The following ELMO1 variants were observed in gnomAD, a reference collection of about 807,000 sequenced individuals.
The protein encoded by ELMO1 is engulfment and cell motility 1, also known as engulfment and cell motility protein 1.
In ELMO1, 26 loss-of-function variants were observed where a neutral mutation model predicts 98.9. The observed-to-expected ratio is 0.26, with a 90% CI of 0.19 to 0.36. The LOEUF is 0.36. Ranked by LOEUF, ELMO1 falls within the 10% of genes least tolerant of loss-of-function variation. The pLI, the probability that ELMO1 is intolerant of heterozygous loss-of-function variation, is 1.00. For missense variants in ELMO1, 627 were observed against 935.2 expected (o/e 0.67, Z 4.30); for synonymous variants, 346 against 346.0 (o/e 1.00, Z 0.00).
intron 15 of ELMO1, among the ~76,000 whole-genome samples, chr7:37,017,421 G>T (rs1157807320): frequency 6.6e-6 from 1 of 152,162 alleles, no homozygotes; most frequent in Non-Finnish European, 1.5e-5. Context: ...TGACAACAAT[G>T]TGCCCAGCTA....
intron 13 of ELMO1, among the ~76,000 whole-genome samples, chr7:37,168,633 C>T (rs540539450): frequency 4.6e-5 from 7 of 152,206 alleles, no homozygotes; most frequent in South Asian, 4.1e-4. Context: ...GTATCAGCAG[C>T]GGTGTTTGCA....
intron 16 of ELMO1, among the ~76,000 whole-genome samples, chr7:36,940,892 T>C (rs1472695359): frequency 1.3e-5 from 2 of 152,224 alleles, no homozygotes; most frequent in Non-Finnish European, 2.9e-5. Context: ...AAGGAAGATT[T>C]ATATAGTTAG....
chr7:37,325,132 T>C (rs572246530), intron 2 of ELMO1, among the ~76,000 whole-genome samples: 1 of 152,222 alleles, frequency 6.6e-6, no homozygotes, highest in African/African-American at 2.4e-5. Context: ...GTTAAAGAAA[T>C]TGAGTGAATA....
intron 16 of ELMO1, among the ~76,000 whole-genome samples, chr7:36,955,277 T>A (rs978075881): frequency 6.6e-6 from 1 of 152,186 alleles, no homozygotes; most frequent in Non-Finnish European, 1.5e-5. Flanking sequence ...CACTACATTT[T>A]CTCTACAGCT....
At chr7:37,246,870 A>C (rs972477576) in intron 6 of ELMO1, among the ~76,000 whole-genome samples, 1 of 140,456 alleles carries the variant, frequency 7.1e-6, no homozygotes, top group African/African-American at 3.2e-5. Flanking sequence ...ATATATCTCT[A>C]TCTATCTATC....
chr7:37,105,260 T>C (rs1284927591), intron 14 of ELMO1, among the ~76,000 whole-genome samples: 2 of 152,194 alleles, frequency 1.3e-5, no homozygotes, highest in African/African-American at 4.8e-5. Context: ...GACTTCTGTT[T>C]GTGCCTACAC....
At chr7:36,884,608 T>C (rs562532422) in intron 18 of ELMO1, among the ~76,000 whole-genome samples, 1 of 152,156 alleles carries the variant, frequency 6.6e-6, no homozygotes, top group Non-Finnish European at 1.5e-5. Context: ...CCAGTCCTAA[T>C]GTGGTTAGAA....
intron 16 of ELMO1, among the ~76,000 whole-genome samples, chr7:36,995,415 G>A (rs1395687025): frequency 6.6e-6 from 1 of 152,006 alleles, no homozygotes; most frequent in African/African-American, 2.4e-5. Flanking sequence ...GGCTGAGGCA[G>A]GAGAATCGCT....
intron 1 of ELMO1, among the ~76,000 whole-genome samples, chr7:37,436,997 C>T (rs1470566491): frequency 6.6e-6 from 1 of 152,218 alleles, no homozygotes; most frequent in African/African-American, 2.4e-5. Context: ...CAACCACCCA[C>T]CTGCCAATGA....
chr7:37,142,819 T>C (rs1265039603), intron 13 of ELMO1, among the ~76,000 whole-genome samples: 1 of 152,176 alleles, frequency 6.6e-6, no homozygotes, highest in African/African-American at 2.4e-5. Context: ...GGAAATCTAG[T>C]GGGAAAAAAT....
chr7:37,399,213 C>T (rs966791817), intron 1 of ELMO1, among the ~76,000 whole-genome samples: 1 of 152,190 alleles, frequency 6.6e-6, no homozygotes, highest in Non-Finnish European at 1.5e-5. Context: ...AGGGCTGGGA[C>T]CACGTCCTTC....
At chr7:37,399,639 C>T (rs1359006142) in intron 1 of ELMO1, among the ~76,000 whole-genome samples, 2 of 152,206 alleles carry the variant, frequency 1.3e-5, no homozygotes, top group African/African-American at 2.4e-5. Flanking sequence ...TGCATGACAT[C>T]GGCCTCCAGT....
At position 37,365,571 on chromosome 7, in the gene ELMO1, T is replaced by C. The variant is rs534648071; in HGVS notation, c.-73-22808A>G. Reference sequence around the variant, plus strand: ...CCAACTACTCATCTCAGTCATTCTTTCTTATGACCAAAACTTGATTTCAGC... The same window carrying C: ...CCAACTACTCATCTCAGTCATTCTTCCTTATGACCAAAACTTGATTTCAGC... On this transcript the variant is annotated intron_variant, in intron 1 of 21. Transcript: ENST00000310758. Among the ~76,000 whole-genome samples, 11 of 34,134 alleles carry C rather than the reference T, an allele frequency of 3.2e-4. No individual in the cohort carries two copies. In the South Asian group the frequency reaches 0.016, roughly 50 times the overall value. The allele number at this position is 34,134 out of a possible 152,430, so 22.4% of individuals were successfully genotyped here.
At chr7:36,923,925 C>T (rs1184828604) in intron 16 of ELMO1, among the ~76,000 whole-genome samples, 1 of 152,098 alleles carries the variant, frequency 6.6e-6, no homozygotes, top group Non-Finnish European at 1.5e-5. Flanking sequence ...TGGTTCTATA[C>T]GTGTGGAACA....
intron 1 of ELMO1, among the ~76,000 whole-genome samples, chr7:37,407,090 A>T (rs7782999): frequency 0.23 from 35,290 of 152,126 alleles, 4,322 homozygotes; most frequent in East Asian, 0.41. Flanking sequence ...GTAGCCTAAC[A>T]TATACTTGAC....
intron 16 of ELMO1, among the ~76,000 whole-genome samples, chr7:36,956,162 G>A (rs763702656): frequency 6.6e-6 from 1 of 152,146 alleles, no homozygotes; most frequent in Non-Finnish European, 1.5e-5. Flanking sequence ...TTTCTTGGAG[G>A]CTGAATAGGT....
chr7:36,955,640 C>T (rs1402672408), intron 16 of ELMO1, among the ~76,000 whole-genome samples: 1 of 152,148 alleles, frequency 6.6e-6, no homozygotes, highest in East Asian at 1.9e-4. Flanking sequence ...AGGTAGGGTG[C>T]CAGGAAACTC....
chr7:37,384,941 T>C (rs1351299595), intron 1 of ELMO1, among the ~76,000 whole-genome samples: 1 of 152,180 alleles, frequency 6.6e-6, no homozygotes, highest in African/African-American at 2.4e-5. Flanking sequence ...ACACTGTAAA[T>C]ATCACATTTG....
rs779476168 is a variant in ELMO1, at chr7:36,870,496, T to C, written c.1823-21A>G. ...CGGCACTGCAATTCATAAAAGAAAATGCAAGTAACTACACCATGTGAAAAC... is the reference window on the plus strand; with the variant it reads ...CGGCACTGCAATTCATAAAAGAAAACGCAAGTAACTACACCATGTGAAAAC... On this transcript the variant is annotated intron_variant, in intron 19 of 21. Transcript: ENST00000310758. This position sits in a 1 kb window ranked among gnomAD's most constrained non-coding sequence, Gnocchi z 4.4. The C allele has an allele frequency of 1.3e-6, 2 of 1,563,150 alleles. No homozygotes were observed. Among genetic ancestry groups the C allele is most frequent in the Admixed American group, 1.7e-5 (1 of 59,080 alleles).
Sources: gnomAD v4.1 joint callset for allele counts (sites outside exome capture counted in the v4.1 genomes callset) on GRCh38, gnomAD v4.1.1 for gene constraint, Gnocchi (gnomAD v3.1) non-coding constraint, MANE v1.5 for transcripts, NCBI Gene and HGNC (gene_info 2026-07-23, HGNC 2026-07-21) for gene names.